The following GLI2 variants were observed in gnomAD, a reference collection of about 807,000 sequenced individuals.
GLI2 encodes GLI family zinc finger 2.
A neutral mutation model predicts 78.9 loss-of-function variants in GLI2; 22 were observed. The ratio of observed to expected loss-of-function variants is 0.28; its 90% CI spans 0.20 to 0.40. The LOEUF (loss-of-function observed/expected upper bound fraction) is 0.40. Ranked by LOEUF, GLI2 falls within the 10% of genes least tolerant of loss-of-function variation. The pLI is 1.00. For missense variants in GLI2, 2,097 were observed against 2,213.2 expected (o/e 0.95, Z 1.05); for synonymous variants, 974 against 963.7 (o/e 1.01, Z -0.20).
intron 2 of GLI2, among the ~76,000 whole-genome samples, chr2:120,841,829 A>ACCT (rs1686886776): frequency 8.2e-6 from 1 of 121,324 alleles, no homozygotes; most frequent in African/African-American, 3.1e-5. Flanking sequence ...GAGGAGGACC[A>ACCT]TTGCAAGCCA....
chr2:120,750,412 A>C (rs369296935), intron 1 of GLI2, among the ~76,000 whole-genome samples: 2 of 152,242 alleles, frequency 1.3e-5, no homozygotes, highest in East Asian at 1.9e-4. Context: ...GATTCTGTGG[A>C]GCAAGGGGCT....
At chr2:120,832,386 C>T (rs73949939) in intron 2 of GLI2, among the ~76,000 whole-genome samples, 3,470 of 152,254 alleles carry the variant, frequency 0.023, 118 homozygotes, top group African/African-American at 0.078. Context: ...GCCTGAGGCA[C>T]GGGGTGGCAC....
intron 3 of GLI2, among the ~76,000 whole-genome samples, chr2:120,937,463 T>C (rs952119322): frequency 6.6e-6 from 1 of 152,012 alleles, no homozygotes; most frequent in African/African-American, 2.4e-5. Flanking sequence ...AGGGCAGAAA[T>C]TGGCCAATGA....
chr2:120,915,343 T>C (rs1422018395), intron 2 of GLI2, among the ~76,000 whole-genome samples: 1 of 152,220 alleles, frequency 6.6e-6, no homozygotes, highest in Admixed American at 6.5e-5. Flanking sequence ...CTCGTGGTGT[T>C]GGAATTTCCT....
chr2:120,989,319 C>T lies in GLI2; in HGVS notation c.3354C>T (p.Ser1118=). ...GCCAGTTAGGCTTTGGGGCGCCCTC[C>T]AGCCTGAACAAAAATAACATGCCTG... The part of the protein sequence containing the change: ...GGCQLGFGAP[S]SLNKNNMPVQ... Residue 1118 remains serine, a synonymous_variant, in exon 14 of 14, where the codon TCC becomes TCT. Transcript: ENST00000361492. The T allele has an allele frequency of 2.5e-6, 4 of 1,613,066 alleles. No individual in the cohort carries two copies. The highest frequency in any genetic ancestry group is 3.4e-6 in the Non-Finnish European group (4 of 1,180,014).
chr2:120,803,337 T>C (rs760686508), intron 2 of GLI2, among the ~76,000 whole-genome samples: 2 of 148,982 alleles, frequency 1.3e-5, no homozygotes, highest in African/African-American at 4.9e-5. Flanking sequence ...AGTTAGCACA[T>C]GGGAAGTGCT....
chr2:120,934,606 T>C (rs1330809400), intron 3 of GLI2, among the ~76,000 whole-genome samples: 3 of 152,160 alleles, frequency 2.0e-5, no homozygotes, highest in Admixed American at 6.5e-5. Flanking sequence ...GTTAGGGCAA[T>C]AGAGTGAACG....
chr2:120,973,249 A>G (rs1472981966), intron 8 of GLI2, among the ~76,000 whole-genome samples: 3 of 152,236 alleles, frequency 2.0e-5, no homozygotes, highest in Non-Finnish European at 2.9e-5. Context: ...GGGGCCGACC[A>G]TCATCGGGAG....
chr2:120,989,210 T>C lies in GLI2; in HGVS notation c.3245T>C (p.Leu1082Pro), dbSNP rs1385662301. The C allele has an allele frequency of 6.2e-7, 1 of 1,613,036 alleles. No individual in the cohort carries two copies. Among genetic ancestry groups the C allele is most frequent in the African/African-American group, 1.3e-5 (1 of 74,940 alleles). ...ACTGGCTTCTCTGACAACCCCAGAC[T>C]ACCCAGCCCGGGGCTGCACGGCCAG... ...ESTGFSDNPR[L>P]PSPGLHGQRR... Residue 1082 changes from leucine (L) to proline (P), a missense_variant, in exon 14 of 14, where the codon CTA becomes CCA. Around this residue, in one of 5 missense-constraint regions of GLI2, gnomAD observed 1,290 missense variants for 1,261.7 expected, o/e 1.02. Transcript: ENST00000361492.
At chr2:120,754,969 A>G (rs1170831203) in intron 1 of GLI2, among the ~76,000 whole-genome samples, 2 of 151,860 alleles carry the variant, frequency 1.3e-5, no homozygotes, top group Non-Finnish European at 2.9e-5. Flanking sequence ...CTCCTGCCTC[A>G]GCCTCCCAAG....
Position 120,988,664 on chromosome 2 carries a change from T to G in GLI2, c.2699T>G (p.Leu900Arg), listed in dbSNP as rs1683107665. ...GLERMSLRTR[L>R]ALLDAPERTL... ...GAGCGCATGAGCCTGCGGACCAGGC[T>G]GGCGCTGCTGGACGCGCCCGAGCGC... The change falls in exon 14 of 14, where the codon CTG (leucine) becomes CGG (arginine). Residue 900 changes from leucine (L) to arginine (R), a missense_variant. By Grantham distance (102) the Leu-to-Arg change is moderately radical (BLOSUM62 -2). This residue lies in a region of GLI2 where 1,290 missense variants were observed against 1,261.7 expected (regional missense o/e 1.02). Coordinates refer to ENST00000361492, the MANE Select transcript of GLI2 (RefSeq NM_001374353.1). The G allele has an allele frequency of 2.2e-6, 3 of 1,387,136 alleles. No homozygotes were observed. The highest frequency in any genetic ancestry group is 2.8e-6 in the Non-Finnish European group (3 of 1,071,728). 85.9% of individuals were successfully genotyped at this position (1,387,136 alleles called of 1,614,324 possible).
intron 2 of GLI2, among the ~76,000 whole-genome samples, chr2:120,814,225 T>C (rs916777228): frequency 6.6e-6 from 1 of 152,136 alleles, no homozygotes; most frequent in Admixed American, 6.5e-5. Flanking sequence ...TTGGAAAGGA[T>C]GTGTGCACCA....
At chr2:120,880,507 C>T (rs1677063981) in intron 2 of GLI2, among the ~76,000 whole-genome samples, 1 of 152,168 alleles carries the variant, frequency 6.6e-6, no homozygotes, top group South Asian at 2.1e-4. Context: ...TCCAACTCCA[C>T]CACCTGTTCC....
chr2:120,851,388 CA>C (rs1317378131), intron 2 of GLI2, among the ~76,000 whole-genome samples: 3 of 152,190 alleles, frequency 2.0e-5, no homozygotes, highest in Non-Finnish European at 4.4e-5. Context: ...TGGAAATACA[CA>C]AAAATGCAGC....
chr2:120,750,140 C>T (rs928563855), intron 1 of GLI2, among the ~76,000 whole-genome samples: 3 of 152,244 alleles, frequency 2.0e-5, no homozygotes, highest in Admixed American at 6.5e-5. Flanking sequence ...TGGGTGGCCC[C>T]TCGTGTCCCT....
Position 120,983,946 on chromosome 2 carries a change from G to GGGGTGTGTGTGT in GLI2, c.1633-524_1633-523insGGTGTGTGTGTG, listed in dbSNP as rs112474343. On this transcript the variant is annotated intron_variant, in intron 11 of 13. Coordinates refer to ENST00000361492, the MANE Select transcript of GLI2 (RefSeq NM_001374353.1). ...GTTTTTCTGTAGACGTGGTGTGTGGGGTGTGTGTGTGTGTGTGTGTGTGTG... is the reference window on the plus strand; with the variant it reads ...GTTTTTCTGTAGACGTGGTGTGTGGGGGGTGTGTGTGTGTGTGTGTGTGTGTGTGTGTGTGTG... 8.4e-5 allele frequency among the ~76,000 whole-genome samples: 12 copies of GGGGTGTGTGTGT among 143,214 alleles called. No individual in the cohort carries two copies. In the South Asian group the frequency reaches 2.6e-3, roughly 31 times the overall value. 94.0% of individuals were successfully genotyped at this position (143,214 alleles called of 152,430 possible).
intron 2 of GLI2, among the ~76,000 whole-genome samples, 190 bp downstream of exon 2, chr2:120,797,658 G>GGCC (rs1225364357): frequency 1.8e-5 from 2 of 108,238 alleles, no homozygotes; most frequent in Non-Finnish European, 4.3e-5. Context: ...TAAGAGGTCT[G>GGCC]GCCACCCCAA....
chr2:120,804,558 T>C (rs1419389055), intron 2 of GLI2, among the ~76,000 whole-genome samples: 2 of 149,216 alleles, frequency 1.3e-5, no homozygotes, highest in Non-Finnish European at 1.5e-5. Flanking sequence ...GTTTCTCTGC[T>C]GGGGCCACAC....
intron 2 of GLI2, among the ~76,000 whole-genome samples, chr2:120,863,443 G>T (rs1687990967): frequency 6.6e-6 from 1 of 152,248 alleles, no homozygotes; most frequent in African/African-American, 2.4e-5. Flanking sequence ...CTGCTATGAT[G>T]AGAGCCTGCC....
Sources: gnomAD v4.1 joint callset for allele counts (sites outside exome capture counted in the v4.1 genomes callset) on GRCh38, gnomAD v4.1.1 for gene constraint, gnomAD v4.1.1 regional missense constraint, MANE v1.5 for transcripts, NCBI Gene and HGNC (gene_info 2026-07-23, HGNC 2026-07-21) for gene names.